Variants in ARRB1 observed in about 807,000 individuals in gnomAD.
ARRB1 encodes the protein beta-arrestin-1.
A neutral mutation model predicts 56.8 loss-of-function variants in ARRB1; 21 were observed. The ratio of observed to expected loss-of-function variants is 0.37; its 90% CI spans 0.26 to 0.53. ARRB1 has a LOEUF of 0.53. Ranked by LOEUF, ARRB1 falls within the 20% of genes least tolerant of loss-of-function variation. The probability of loss-of-function intolerance (pLI) is 0.88; values close to 1 mark genes in which losing one functional copy is unlikely to be tolerated. For synonymous variants in ARRB1, 210 were observed against 218.6 expected, an observed-to-expected ratio of 0.96 and a Z score of 0.35; for missense variants, 424 against 553.7, an observed-to-expected ratio of 0.77 and a Z score of 2.35.
chr11:75,269,023 G>A (rs188372041), intron 13 of ARRB1, 64 bp from the exon 14 acceptor site: 28 of 1,544,208 alleles, frequency 1.8e-5, no homozygotes, highest in African/African-American at 5.5e-5. Flanking sequence ...ACTTGATGTC[G>A]ATGCCCTGTC....
intron 1 of ARRB1, among the ~76,000 whole-genome samples, chr11:75,296,111 G>A (rs960973624): frequency 2.7e-5 from 4 of 149,660 alleles, no homozygotes; most frequent in African/African-American, 9.9e-5. Flanking sequence ...ACTTGAACCC[G>A]GGAGGCAGAG....
chr11:75,292,640 G>T (rs764515169), intron 1 of ARRB1, among the ~76,000 whole-genome samples: 1 of 152,154 alleles, frequency 6.6e-6, no homozygotes, highest in Non-Finnish European at 1.5e-5. Flanking sequence ...AGCCTCGGGA[G>T]CCCATGGTCT....
chr11:75,265,773 C>T lies in ARRB1; in HGVS notation c.*390G>A, dbSNP rs1035759602. 16 of 243,060 alleles carry T rather than the reference C, an allele frequency of 6.6e-5. No homozygotes were observed. In the South Asian group the frequency reaches 9.1e-4, roughly 14 times the overall value. The allele number at this position is 243,060 out of a possible 1,614,324, so 15.1% of individuals were successfully genotyped here. On this transcript the variant is annotated 3_prime_UTR_variant, in exon 16 of 16. Transcript: ENST00000420843. ...CCACCTGGGACCGTGGACATCTTCT[C>T]TCGTGTCTTGAGCCCTCATCCCCAC...
At chr11:75,311,197 G>C (rs547794970) in intron 1 of ARRB1, among the ~76,000 whole-genome samples, 9 of 152,270 alleles carry the variant, frequency 5.9e-5, no homozygotes, top group African/African-American at 2.4e-5. Flanking sequence ...TTAGCCTGGC[G>C]TGGTGGCACA....
At chr11:75,300,319 T>C (rs1343282547) in intron 1 of ARRB1, among the ~76,000 whole-genome samples, 1 of 152,186 alleles carries the variant, frequency 6.6e-6, no homozygotes, top group Non-Finnish European at 1.5e-5. Context: ...AACTCACTTA[T>C]TTCTCCAACA....
At chr11:75,306,467 C>T in intron 1 of ARRB1, 1 of 670,714 alleles carries the variant, frequency 1.5e-6, no homozygotes, top group Non-Finnish European at 2.4e-6. Context: ...ACTCAATGCA[C>T]ATCTCATGGA....
intron 1 of ARRB1, among the ~76,000 whole-genome samples, chr11:75,319,661 A>G (rs1947314910): frequency 6.6e-6 from 1 of 152,156 alleles, no homozygotes; most frequent in Non-Finnish European, 1.5e-5. Context: ...TGCCCCAGGC[A>G]CAGTGCAAGG....
intron 1 of ARRB1, among the ~76,000 whole-genome samples, chr11:75,290,644 A>G (rs1946588723): frequency 6.6e-6 from 1 of 152,078 alleles, no homozygotes; most frequent in African/African-American, 2.4e-5. Context: ...CAGTGGCGTG[A>G]TCTCAGCTCA....
chr11:75,281,041 C>CA, intron 7 of ARRB1, 34 bp downstream of exon 7: 1 of 1,583,630 alleles, frequency 6.3e-7, no homozygotes, highest in African/African-American at 1.3e-5. Context: ...CTCCCTCACC[C>CA]AGCAGGCGGC....
chr11:75,272,623 A>G (rs1476886670), intron 12 of ARRB1, among the ~76,000 whole-genome samples: 1 of 152,082 alleles, frequency 6.6e-6, no homozygotes, highest in East Asian at 1.9e-4. Flanking sequence ...GCCAATCCTC[A>G]GTGCGAGCCC....
intron 10 of ARRB1, among the ~76,000 whole-genome samples, chr11:75,276,100 A>T (rs959182226): frequency 1.2e-4 from 18 of 152,232 alleles, no homozygotes; most frequent in African/African-American, 4.3e-4. Context: ...GTAACATTTT[A>T]AAAATATTTT....
intron 1 of ARRB1, among the ~76,000 whole-genome samples, chr11:75,303,887 G>T (rs544458814): frequency 1.3e-5 from 2 of 152,292 alleles, no homozygotes; most frequent in East Asian, 1.9e-4. Flanking sequence ...CAAACCCCAG[G>T]GAACAGAAAC....
chr11:75,313,734 G>T (rs1714836190), intron 1 of ARRB1, among the ~76,000 whole-genome samples: 1 of 152,162 alleles, frequency 6.6e-6, no homozygotes, highest in Non-Finnish European at 1.5e-5. Flanking sequence ...CCCCTGTGAG[G>T]AAATTCCTTA....
chr11:75,315,812 C>A (rs1947254973), intron 1 of ARRB1, among the ~76,000 whole-genome samples: 1 of 152,176 alleles, frequency 6.6e-6, no homozygotes, highest in South Asian at 2.1e-4. Context: ...ACTGTGGACC[C>A]CCACAAACAC....
At chr11:75,287,173 A>C in intron 3 of ARRB1, 142 bp downstream of exon 3, 1 of 804,722 alleles carries the variant, frequency 1.2e-6, no homozygotes, top group South Asian at 1.9e-5. Context: ...GTAGCTGCTC[A>C]GTAAATGCTT....
intron 1 of ARRB1, among the ~76,000 whole-genome samples, chr11:75,308,047 G>C (rs546078528): frequency 2.6e-5 from 4 of 152,246 alleles, no homozygotes; most frequent in Non-Finnish European, 4.4e-5. Context: ...TCAGGGACAG[G>C]GGATAGCAGG....
At chr11:75,349,485 GT>G in intron 1 of ARRB1, among the ~76,000 whole-genome samples, 1 of 152,322 alleles carries the variant, frequency 6.6e-6, no homozygotes, top group Non-Finnish European at 1.5e-5. Flanking sequence ...AGCCCATGGT[GT>G]CCACATCTTC....
rs1945841045 is a variant in ARRB1, at chr11:75,263,367, C to T, written c.*2796G>A. Among the ~76,000 whole-genome samples the T allele has an allele frequency of 6.6e-6, 1 of 152,206 alleles. No homozygotes were observed. Among genetic ancestry groups the T allele is most frequent in the Non-Finnish European group, 1.5e-5 (1 of 68,034 alleles). ...GAAACACTTTGGCCTGTGTGTCCCTCGAGGCTGCAGCGTATGGCCGTGCAG... is the reference window on the plus strand; with the variant it reads ...GAAACACTTTGGCCTGTGTGTCCCTTGAGGCTGCAGCGTATGGCCGTGCAG... On this transcript the variant is annotated 3_prime_UTR_variant, in exon 16 of 16. Transcript: ENST00000420843.
chr11:75,331,953 G>A (rs770739261), intron 1 of ARRB1, among the ~76,000 whole-genome samples: 16 of 151,730 alleles, frequency 1.1e-4, no homozygotes, highest in Middle Eastern at 3.4e-3. Context: ...GAAAATGGCC[G>A]GTTCCTGCCT....
Sources: gnomAD v4.1 joint callset for allele counts (sites outside exome capture counted in the v4.1 genomes callset) on GRCh38, gnomAD v4.1.1 for gene constraint, MANE v1.5 for transcripts, NCBI Gene and HGNC (gene_info 2026-07-23, HGNC 2026-07-21) for gene names.